Variants in IPMK observed in about 807,000 individuals in gnomAD.
IPMK encodes the protein inositol polyphosphate multikinase, also known as inositol 1,3,4,6-tetrakisphosphate 5-kinase.
In IPMK, 17 loss-of-function variants were observed where a neutral mutation model predicts 45.8. That is an observed-to-expected ratio of 0.37 (90% CI 0.25 to 0.56). IPMK has a LOEUF of 0.56. Among genes scored for constraint, IPMK ranks in the 20% least tolerant of loss-of-function variants. The pLI, the probability that IPMK is intolerant of heterozygous loss-of-function variation, is 0.79. For missense variants in IPMK, 399 were observed against 498.0 expected (o/e 0.80, Z 1.89); for synonymous variants, 180 against 184.3 (o/e 0.98, Z 0.19).
chr10:58,215,152 A>G (rs1326167500), intron 4 of IPMK, among the ~76,000 whole-genome samples: 1 of 152,186 alleles, frequency 6.6e-6, no homozygotes, highest in Admixed American at 6.5e-5. Context: ...AGCCAACAGT[A>G]CCAACTTCCT....
chr10:58,235,875 T>C (rs917149545), intron 2 of IPMK, among the ~76,000 whole-genome samples: 10 of 150,872 alleles, frequency 6.6e-5, no homozygotes, highest in Non-Finnish European at 1.5e-4. Context: ...GACAAATTTA[T>C]AGGTAAGTTC....
At chr10:58,225,026 C>A (rs908477825) in intron 3 of IPMK, among the ~76,000 whole-genome samples, 1 of 152,138 alleles carries the variant, frequency 6.6e-6, no homozygotes, top group Non-Finnish European at 1.5e-5. Flanking sequence ...CCAGAGCTAA[C>A]AAAGTAGGAA....
intron 4 of IPMK, among the ~76,000 whole-genome samples, chr10:58,201,574 C>A (rs1837999072): frequency 6.6e-6 from 1 of 152,240 alleles, no homozygotes; most frequent in Non-Finnish European, 1.5e-5. Context: ...TCCCCTGAGG[C>A]ACAATATTGA....
intron 3 of IPMK, among the ~76,000 whole-genome samples, chr10:58,224,941 A>T (rs575696772): frequency 1.3e-5 from 2 of 152,342 alleles, no homozygotes; most frequent in African/African-American, 4.8e-5. Context: ...AAAAACAGAA[A>T]GATGATTCTA....
chr10:58,216,025 G>C, intron 4 of IPMK, 120 bp downstream of exon 4: 2 of 728,700 alleles, frequency 2.7e-6, no homozygotes, highest in Non-Finnish European at 4.0e-6. Flanking sequence ...GGGAGTTACA[G>C]ACAACTCAAT....
intron 1 of IPMK, among the ~76,000 whole-genome samples, chr10:58,247,711 C>G (rs542992645): frequency 3.6e-4 from 55 of 152,014 alleles, no homozygotes; most frequent in Non-Finnish European, 6.2e-4. Context: ...TGCTAGATGG[C>G]GAGTTAGTGA....
At chr10:58,251,157 T>C (rs1046963448) in intron 1 of IPMK, among the ~76,000 whole-genome samples, 1 of 152,220 alleles carries the variant, frequency 6.6e-6, no homozygotes, top group Non-Finnish European at 1.5e-5. Flanking sequence ...CTCAAAGAAC[T>C]GCTTTTCTTG....
intron 3 of IPMK, among the ~76,000 whole-genome samples, chr10:58,216,727 G>C (rs186750300): frequency 6.6e-6 from 1 of 152,196 alleles, no homozygotes; most frequent in East Asian, 1.9e-4. Flanking sequence ...TTAGTAATAG[G>C]AATAAATCCT....
rs11006098 is a variant in IPMK at position 58,260,173 on chromosome 10, A to C, written c.190+7249T>G. On this transcript the variant is annotated intron_variant, in intron 1 of 5. Transcript: ENST00000373935. ...TACCAAAAATGCATAATCTGAATAT[A>C]ATCATGACAAAACAATCAGACAAAC... is the stretch of plus-strand genomic sequence containing the variant. 3.8e-3 allele frequency among the ~76,000 whole-genome samples: 578 copies of C among 152,352 alleles called. 1 individual carries two copies. The highest frequency in any genetic ancestry group is 0.013 in the African/African-American group (537 of 41,588).
chr10:58,230,666 T>C (rs925836010), intron 2 of IPMK, among the ~76,000 whole-genome samples: 1 of 152,182 alleles, frequency 6.6e-6, no homozygotes, highest in African/African-American at 2.4e-5. Flanking sequence ...AAATCCCATC[T>C]GTAGGTCACC....
At chr10:58,244,208 C>T (rs1588968037) in intron 1 of IPMK, among the ~76,000 whole-genome samples, 1 of 150,666 alleles carries the variant, frequency 6.6e-6, no homozygotes, top group East Asian at 2.0e-4. Context: ...CCCGGCCGCC[C>T]CACCTGGGAG....
At chr10:58,255,855 C>T (rs1266661782) in intron 1 of IPMK, among the ~76,000 whole-genome samples, 1 of 152,100 alleles carries the variant, frequency 6.6e-6, no homozygotes, top group Non-Finnish European at 1.5e-5. Flanking sequence ...TATTAGTTCC[C>T]CAAATTAATA....
intron 1 of IPMK, among the ~76,000 whole-genome samples, chr10:58,239,839 C>T (rs1043326523): frequency 6.6e-6 from 1 of 152,120 alleles, no homozygotes; most frequent in African/African-American, 2.4e-5. Flanking sequence ...GAGCCAATAA[C>T]AGATACACTG....
At chr10:58,255,233 C>G (rs534938976) in intron 1 of IPMK, among the ~76,000 whole-genome samples, 3 of 152,230 alleles carry the variant, frequency 2.0e-5, no homozygotes, top group African/African-American at 7.2e-5. Flanking sequence ...CACTTTTGTT[C>G]CCAATACACT....
At position 58,258,184 on chromosome 10, in the gene IPMK, C is replaced by T. The variant is rs145657225; in HGVS notation, c.190+9238G>A. On this transcript the variant is annotated intron_variant, in intron 1 of 5. Coordinates refer to ENST00000373935, the MANE Select transcript of IPMK (RefSeq NM_152230.5). The stretch of plus-strand genomic sequence containing the variant: ...AACTAGCCGGGCATGGTGGTGCGTG[C>T]CTGTAATCCCAGCTACTTGGGAGGC... 8.6e-3 allele frequency among the ~76,000 whole-genome samples: 1,302 copies of T among 152,192 alleles called. 12 individuals are homozygous for T. Among genetic ancestry groups the T allele is most frequent in the Non-Finnish European group, 9.3e-3 (634 of 68,000 alleles).
intron 4 of IPMK, among the ~76,000 whole-genome samples, chr10:58,201,397 TG>T (rs976536906): frequency 1.6e-4 from 24 of 152,326 alleles, no homozygotes; most frequent in African/African-American, 5.8e-4. Context: ...CTTAAGTATC[TG>T]TTACAGTGAT....
In IPMK at chr10:58,192,798, T is replaced by C. The variant is rs1051384480; in HGVS notation, c.*3278A>G. ...TTGTTACCTCTTTAAATAATCAGAT[T>C]GACAATTATTAAAAAGGAATCGATG... On this transcript the variant is annotated 3_prime_UTR_variant, in exon 6 of 6. Transcript: ENST00000373935. The C allele has an allele frequency of 6.6e-5, 10 of 151,974 alleles. No individual in the cohort carries two copies. The highest frequency in any genetic ancestry group is 1.9e-4 in the African/African-American group (8 of 41,430). 9.4% of individuals were successfully genotyped at this position (151,974 alleles called of 1,614,324 possible). A position where few individuals can be genotyped will look rare whatever the true frequency, so the allele number is the denominator to read the frequency against.
chr10:58,196,408 CT>C lies in IPMK; in HGVS notation c.918del (p.Ile306MetfsTer30). 6.2e-7 allele frequency: 1 copy of C among 1,614,060 alleles called. No homozygotes were observed. Among genetic ancestry groups the C allele is most frequent in the African/African-American group, 1.3e-5 (1 of 75,020 alleles). On this transcript the variant is annotated frameshift_variant, in exon 6 of 6. Transcript: ENST00000373935. LOFTEE classifies it high-confidence loss of function. ...GACAAGCTTTTGCCCACTGAAGACT[CT>C]ATTTTTCCATTAGCTGTGGAACTTA... ...HVLSSTANGK[I>X]ESSVGKSLSK...
chr10:58,220,812 A>G (rs573666047), intron 3 of IPMK, among the ~76,000 whole-genome samples: 2 of 152,306 alleles, frequency 1.3e-5, no homozygotes, highest in African/African-American at 4.8e-5. Context: ...AATTGCTGCT[A>G]CGTATTTGGT....
Sources: allele counts gnomAD v4.1 joint callset (sites outside exome capture counted in the v4.1 genomes callset), GRCh38; gene constraint gnomAD v4.1.1; transcripts MANE v1.5; gene names NCBI Gene and HGNC (gene_info 2026-07-23, HGNC 2026-07-21).